GRM7: variants seen among roughly 807,000 people sequenced by gnomAD.
GRM7 encodes the protein glutamate metabotropic receptor 7, also known as metabotropic glutamate receptor 7.
In GRM7, 35 loss-of-function variants were observed where a neutral mutation model predicts 84.5. The observed-to-expected ratio is 0.41, with a 90% CI of 0.32 to 0.55. GRM7 has a LOEUF of 0.55. GRM7 is among the 20% of genes least tolerant of loss of function. The pLI is 0.19. For synonymous variants in GRM7, 487 were observed against 455.1 expected (o/e 1.07, Z -0.89); for missense variants, 1,003 against 1,194.6 (o/e 0.84, Z 2.36).
intron 4 of GRM7, among the ~76,000 whole-genome samples, chr3:7,352,021 C>T (rs540427877): frequency 1.4e-5 from 2 of 147,892 alleles, no homozygotes; most frequent in South Asian, 2.2e-4. Context: ...TTCAGTCATT[C>T]GTTCATTCTC....
intron 1 of GRM7, among the ~76,000 whole-genome samples, chr3:7,112,432 G>A (rs938591225): frequency 6.6e-6 from 1 of 152,082 alleles, no homozygotes; most frequent in African/African-American, 2.4e-5. Flanking sequence ...CACCATGTTA[G>A]CCAGGATGGT....
intron 1 of GRM7, among the ~76,000 whole-genome samples, chr3:7,139,194 A>G (rs1056479132): frequency 2.7e-5 from 4 of 150,648 alleles, no homozygotes; most frequent in African/African-American, 9.7e-5. Flanking sequence ...TAATTGGTAA[A>G]GAGAGAAAGA....
intron 1 of GRM7, among the ~76,000 whole-genome samples, chr3:7,125,857 G>C (rs1004341357): frequency 1.3e-5 from 2 of 152,170 alleles, no homozygotes; most frequent in Admixed American, 6.5e-5. Flanking sequence ...TCTCAGGGCA[G>C]TGAACCAGCT....
chr3:6,978,925 T>C (rs1694096667), intron 1 of GRM7, among the ~76,000 whole-genome samples: 2 of 152,154 alleles, frequency 1.3e-5, no homozygotes, highest in African/African-American at 4.8e-5. Flanking sequence ...GTATGGACAT[T>C]CATAAAGTTT....
chr3:7,186,407 TA>T (rs1289026602), intron 2 of GRM7, among the ~76,000 whole-genome samples: 1 of 152,240 alleles, frequency 6.6e-6, no homozygotes, highest in African/African-American at 2.4e-5. Context: ...ATAAACATTT[TA>T]TGTTTCCTGT....
intron 7 of GRM7, among the ~76,000 whole-genome samples, chr3:7,484,521 A>C (rs765137172): frequency 7.2e-5 from 11 of 152,200 alleles, no homozygotes; most frequent in Non-Finnish European, 1.3e-4. Context: ...ATGGAGTAGA[A>C]ATTACATCAC....
At chr3:7,012,947 C>G (rs1695428415) in intron 1 of GRM7, among the ~76,000 whole-genome samples, 1 of 152,066 alleles carries the variant, frequency 6.6e-6, no homozygotes, top group Admixed American at 6.6e-5. Flanking sequence ...AGTATGTTGT[C>G]CAGGCTGGTC....
At chr3:7,348,763 A>G (rs1163938628) in intron 4 of GRM7, among the ~76,000 whole-genome samples, 1 of 152,126 alleles carries the variant, frequency 6.6e-6, no homozygotes, top group Non-Finnish European at 1.5e-5. Flanking sequence ...CAGAAACTAT[A>G]GCAATAGGGC....
rs375123935 is a variant in GRM7, at chr3:7,578,414, T to C, written c.1516-8T>C. The stretch of plus-strand genomic sequence containing the variant: ...GCCTGATTCACCTTCTTATTTCTTA[T>C]GTTACAGATAGAAGACATGCAGTGG... On this transcript the variant is annotated splice_polypyrimidine_tract_variant and splice_region_variant and intron_variant, in intron 7 of 9. Coordinates refer to ENST00000357716, the MANE Select transcript of GRM7 (RefSeq NM_000844.4). 5 of 1,563,246 alleles carry C rather than the reference T, an allele frequency of 3.2e-6. No individual in the cohort carries two copies. The African/African-American group carries it at 6.8e-5, about 21-fold the overall frequency.
At chr3:7,080,676 G>A (rs1439165604) in intron 1 of GRM7, among the ~76,000 whole-genome samples, 1 of 142,656 alleles carries the variant, frequency 7.0e-6, no homozygotes, top group African/African-American at 2.7e-5. Context: ...ACGCACATGT[G>A]TGTATATTTG....
intron 9 of GRM7, among the ~76,000 whole-genome samples, chr3:7,712,723 C>T (rs1390248545): frequency 6.6e-6 from 1 of 152,024 alleles, no homozygotes; most frequent in African/African-American, 2.4e-5. Context: ...GTGTATAATC[C>T]TGGCCTATGT....
intron 2 of GRM7, among the ~76,000 whole-genome samples, chr3:7,186,606 C>G (rs1411137846): frequency 2.0e-5 from 3 of 152,174 alleles, no homozygotes; most frequent in Non-Finnish European, 2.9e-5. Context: ...CTGTTTTTAT[C>G]AGACAATAAT....
intron 4 of GRM7, among the ~76,000 whole-genome samples, chr3:7,371,942 G>A (rs1694157077): frequency 1.3e-5 from 2 of 152,148 alleles, no homozygotes; most frequent in South Asian, 4.1e-4. Context: ...GATACAGTTG[G>A]AGATAATCTT....
At chr3:7,682,261 G>C (rs1182952890) in intron 9 of GRM7, 1 of 150,210 alleles carries the variant, frequency 6.7e-6, no homozygotes, top group Non-Finnish European at 1.5e-5. Context: ...CTTGAACCCA[G>C]GAGGGCAGAG....
intron 4 of GRM7, among the ~76,000 whole-genome samples, chr3:7,345,841 A>AAAG (rs1692866241): frequency 6.6e-6 from 1 of 151,906 alleles, no homozygotes; most frequent in African/African-American, 2.4e-5. Flanking sequence ...TCAAAAAAAA[A>AAAG]ATCAATTTGG....
rs1360168813 is a variant in GRM7, at chr3:7,188,354, T to G, written c.736+41686T>G. 1.3e-5 allele frequency among the ~76,000 whole-genome samples: 2 copies of G among 152,188 alleles called. No individual in the cohort carries two copies. The highest frequency in any genetic ancestry group is 1.5e-5 in the Non-Finnish European group (1 of 68,042). On this transcript the variant is annotated intron_variant, in intron 2 of 9. Transcript: ENST00000357716. The surrounding 1 kb of genome is among the most constrained non-coding windows in gnomAD (Gnocchi z 4.2). ...ATATAATATAATCTGTAATTAAAACTTTAGTCTGACAATAAGATTCTAGGT... is the reference window on the plus strand; with the variant it reads ...ATATAATATAATCTGTAATTAAAACGTTAGTCTGACAATAAGATTCTAGGT...
At chr3:7,400,786 C>T (rs748888078) in intron 4 of GRM7, among the ~76,000 whole-genome samples, 1 of 152,144 alleles carries the variant, frequency 6.6e-6, no homozygotes, top group Non-Finnish European at 1.5e-5. Flanking sequence ...CATTTGGAAT[C>T]AGGTAGACTG....
At chr3:7,149,116 A>G (rs752558502) in intron 2 of GRM7, among the ~76,000 whole-genome samples, 2 of 152,182 alleles carry the variant, frequency 1.3e-5, no homozygotes, top group African/African-American at 2.4e-5. Flanking sequence ...CATTGGAACT[A>G]TATCACATGT....
chr3:7,160,252 G>A (rs1339959428), intron 2 of GRM7, among the ~76,000 whole-genome samples: 1 of 152,110 alleles, frequency 6.6e-6, no homozygotes, highest in African/African-American at 2.4e-5. Flanking sequence ...TAACAGCCAG[G>A]CTATGTAGCC....
Sources: allele counts gnomAD v4.1 joint callset (sites outside exome capture counted in the v4.1 genomes callset), GRCh38; gene constraint gnomAD v4.1.1; non-coding constraint Gnocchi (gnomAD v3.1); transcripts MANE v1.5; gene names NCBI Gene and HGNC (gene_info 2026-07-23, HGNC 2026-07-21).